CCDC91: variants seen among roughly 807,000 people sequenced by gnomAD.
The protein encoded by CCDC91 is coiled-coil domain-containing protein 91.
Under a neutral mutation model 63.2 loss-of-function variants are expected in CCDC91, and 48 were observed. The ratio of observed to expected loss-of-function variants is 0.76; its 90% CI spans 0.60 to 0.97. The LOEUF (loss-of-function observed/expected upper bound fraction) is 0.97. Among genes scored for constraint, CCDC91 ranks in the 50% least tolerant of loss-of-function variants. The pLI, the probability that CCDC91 is intolerant of heterozygous loss-of-function variation, is 0.00. For synonymous variants in CCDC91, 167 were observed against 165.8 expected, an observed-to-expected ratio of 1.01 and a Z score of -0.06; for missense variants, 500 against 494.6, an observed-to-expected ratio of 1.01 and a Z score of -0.10.
chr12:28,526,416 A>C (rs1257082870), intron 12 of CCDC91, among the ~76,000 whole-genome samples: 3 of 152,062 alleles, frequency 2.0e-5, no homozygotes, highest in African/African-American at 4.8e-5. Context: ...TTGTTTGAGG[A>C]GGCTAAAGAT....
chr12:28,197,272 C>T (rs892451942), intron 1 of CCDC91, among the ~76,000 whole-genome samples: 1 of 152,004 alleles, frequency 6.6e-6, no homozygotes, highest in African/African-American at 2.4e-5. Flanking sequence ...CCTTAGAAAT[C>T]GGTCTAGTTC....
intron 3 of CCDC91, among the ~76,000 whole-genome samples, chr12:28,272,308 T>C (rs1306797640): frequency 1.3e-5 from 2 of 152,026 alleles, no homozygotes; most frequent in East Asian, 1.9e-4. Context: ...AAATTAATTA[T>C]GGGAAGTTTT....
chr12:28,469,803 T>G (rs1308129206), intron 11 of CCDC91, among the ~76,000 whole-genome samples: 1 of 152,086 alleles, frequency 6.6e-6, no homozygotes, highest in African/African-American at 2.4e-5. Flanking sequence ...AGTGAACTCA[T>G]TTTTGACAAA....
At chr12:28,351,884 G>T (rs1015267848) in intron 6 of CCDC91, among the ~76,000 whole-genome samples, 5 of 151,988 alleles carry the variant, frequency 3.3e-5, no homozygotes, top group African/African-American at 1.2e-4. Context: ...CAAAAACCTT[G>T]TGAATCCTCT....
chr12:28,240,955 A>G (rs1275707540), intron 1 of CCDC91, among the ~76,000 whole-genome samples: 1 of 152,200 alleles, frequency 6.6e-6, no homozygotes, highest in South Asian at 2.1e-4. Context: ...CTGTTTTCCC[A>G]AGTGATCATA....
chr12:28,533,481 C>T (rs892138716), intron 12 of CCDC91, among the ~76,000 whole-genome samples: 8 of 151,862 alleles, frequency 5.3e-5, no homozygotes, highest in Admixed American at 1.3e-4. Flanking sequence ...TTTTGACTAT[C>T]GAGTAATTAA....
intron 3 of CCDC91, among the ~76,000 whole-genome samples, chr12:28,264,820 G>A (rs1947082024): frequency 1.3e-5 from 2 of 151,624 alleles, no homozygotes; most frequent in South Asian, 4.2e-4. Flanking sequence ...TAATTCTTTG[G>A]TTTGTTTGTT....
intron 6 of CCDC91, among the ~76,000 whole-genome samples, chr12:28,343,929 C>T (rs1435770171): frequency 6.6e-6 from 1 of 152,068 alleles, no homozygotes; most frequent in African/African-American, 2.4e-5. Flanking sequence ...AATGTTTTTG[C>T]TGGCTTGCCA....
At chr12:28,412,683 T>A (rs1215240151) in intron 8 of CCDC91, 29 of 447,734 alleles carry the variant, frequency 6.5e-5, no homozygotes, top group South Asian at 9.5e-5. Flanking sequence ...AGCAGGTTGC[T>A]GCTGCTGGCT....
intron 12 of CCDC91, among the ~76,000 whole-genome samples, chr12:28,500,835 A>G (rs183030803): frequency 4.5e-4 from 69 of 151,684 alleles, no homozygotes; most frequent in Middle Eastern, 3.4e-3. Flanking sequence ...CCCTCCCCCT[A>G]TTATCTCTGA....
intron 1 of CCDC91, among the ~76,000 whole-genome samples, chr12:28,205,755 C>T (rs984666465): frequency 5.9e-5 from 9 of 152,152 alleles, no homozygotes; most frequent in South Asian, 2.1e-4. Context: ...TTGTTACAGA[C>T]GCATACTCCT....
At chr12:28,194,332 G>T (rs11049429) in intron 1 of CCDC91, among the ~76,000 whole-genome samples, 1 of 152,040 alleles carries the variant, frequency 6.6e-6, no homozygotes, top group African/African-American at 2.4e-5. Flanking sequence ...TTCTTACTGT[G>T]TCCAGAATTG....
rs1056301896 is a variant in CCDC91, at chr12:28,363,323, T to C, written c.654+808T>C. On this transcript the variant is annotated intron_variant, in intron 7 of 12. Transcript: ENST00000536442. ...TTTCTTGCTGTATTTACTCACTGACTTGGAGATATTTTCATGTCAGTACAT... is the reference window on the plus strand; with the variant it reads ...TTTCTTGCTGTATTTACTCACTGACCTGGAGATATTTTCATGTCAGTACAT... Among the ~76,000 whole-genome samples, 12 of 152,206 alleles carry C rather than the reference T, an allele frequency of 7.9e-5. 1 individual carries two copies. Among genetic ancestry groups the C allele is most frequent in the African/African-American group, 2.9e-4 (12 of 41,470 alleles).
intron 1 of CCDC91, among the ~76,000 whole-genome samples, chr12:28,214,927 A>G (rs534472775): frequency 1.4e-4 from 21 of 152,324 alleles, no homozygotes; most frequent in African/African-American, 4.6e-4. Flanking sequence ...TGACTAGGCC[A>G]TGAGGTACTC....
intron 1 of CCDC91, among the ~76,000 whole-genome samples, chr12:28,211,596 C>A (rs1376661046): frequency 6.6e-6 from 1 of 152,134 alleles, no homozygotes; most frequent in African/African-American, 2.4e-5. Flanking sequence ...GAATGTTTTA[C>A]TGTAAGTTAT....
intron 1 of CCDC91, among the ~76,000 whole-genome samples, chr12:28,202,535 G>A (rs1038129712): frequency 1.3e-5 from 2 of 152,172 alleles, no homozygotes; most frequent in African/African-American, 4.8e-5. Context: ...ACTGGACAGC[G>A]AATGATTGGA....
chr12:28,421,163 A>G (rs1947983022), intron 8 of CCDC91, among the ~76,000 whole-genome samples: 1 of 152,182 alleles, frequency 6.6e-6, no homozygotes. Context: ...AAACAATACA[A>G]GAAGATGATC....
chr12:28,343,593 C>T (rs1161082676), intron 6 of CCDC91, among the ~76,000 whole-genome samples: 1 of 152,098 alleles, frequency 6.6e-6, no homozygotes, highest in Non-Finnish European at 1.5e-5. Flanking sequence ...AGTTCAATTT[C>T]TTTACCTGTA....
intron 7 of CCDC91, among the ~76,000 whole-genome samples, chr12:28,380,344 GAGTTT>G (rs1441922648): frequency 6.6e-6 from 1 of 151,906 alleles, no homozygotes; most frequent in African/African-American, 2.4e-5. Flanking sequence ...AAGATGTGTA[GAGTTT>G]AGTTAGTTGT....
Sources: gnomAD v4.1 joint callset for allele counts (sites outside exome capture counted in the v4.1 genomes callset) on GRCh38, gnomAD v4.1.1 for gene constraint, MANE v1.5 for transcripts, NCBI Gene and HGNC (gene_info 2026-07-23, HGNC 2026-07-21) for gene names.